PTPRD: variants seen among roughly 807,000 people sequenced by gnomAD.
The protein encoded by PTPRD is protein tyrosine phosphatase receptor type D.
A neutral mutation model predicts 214.5 loss-of-function variants in PTPRD; 34 were observed. That is an observed-to-expected ratio of 0.16 (90% confidence interval 0.12 to 0.21). The LOEUF (loss-of-function observed/expected upper bound fraction) is 0.21, where lower values mean the gene tolerates loss of function less well. PTPRD is among the 10% of genes least tolerant of loss of function. The pLI is 1.00. For missense variants in PTPRD, 2,545 were observed against 2,398.7 expected (o/e 1.06, Z -1.27); for synonymous variants, 1,128 against 845.7 (o/e 1.33, Z -5.79).
At chr9:10,497,681 A>T (rs2133063011) in intron 2 of PTPRD, among the ~76,000 whole-genome samples, 1 of 152,132 alleles carries the variant, frequency 6.6e-6, no homozygotes, top group African/African-American at 2.4e-5. Context: ...AAGCAAATTT[A>T]TTGTTGAGAA....
chr9:10,156,346 A>G (rs1049756738), intron 3 of PTPRD, among the ~76,000 whole-genome samples: 1 of 152,046 alleles, frequency 6.6e-6, no homozygotes, highest in Non-Finnish European at 1.5e-5. Context: ...CTTTTCTCTC[A>G]TGAGTTTCAA....
At chr9:10,068,018 C>A (rs975192892) in intron 3 of PTPRD, among the ~76,000 whole-genome samples, 1 of 151,904 alleles carries the variant, frequency 6.6e-6, no homozygotes, top group African/African-American at 2.4e-5. Flanking sequence ...ACTTTTCCTT[C>A]TATATTTCTG....
Position 10,479,098 on chromosome 9 carries a change from A to G in PTPRD, c.-600+133300T>C, listed in dbSNP as rs147278078. Among the ~76,000 whole-genome samples the G allele has an allele frequency of 2.5e-4, 38 of 152,306 alleles. 1 individual carries two copies. In the East Asian group the frequency reaches 7.3e-3, roughly 29 times the overall value. On this transcript the variant is annotated intron_variant, in intron 2 of 45. Coordinates refer to ENST00000381196, the MANE Select transcript of PTPRD (RefSeq NM_002839.4). ...AAAGTTTCCTGGTAGTGTTTTCCAT[A>G]CAGAATGTTTGGCTAGGCTAAAATA...
intron 2 of PTPRD, among the ~76,000 whole-genome samples, chr9:10,544,590 G>A (rs2059814665): frequency 6.6e-6 from 1 of 152,084 alleles, no homozygotes; most frequent in Non-Finnish European, 1.5e-5. Flanking sequence ...TTGCTAACCA[G>A]CAACCAGTAT....
intron 9 of PTPRD, among the ~76,000 whole-genome samples, chr9:9,210,137 T>C (rs895472177): frequency 2.0e-5 from 3 of 152,176 alleles, no homozygotes; most frequent in Admixed American, 1.3e-4. Flanking sequence ...AAACAATTTC[T>C]ATCCTCCAAA....
In PTPRD at chr9:10,043,152, T is replaced by C. The variant is rs376060346; in HGVS notation, c.-544-9362A>G. On this transcript the variant is annotated intron_variant, in intron 3 of 45. Coordinates refer to ENST00000381196, the MANE Select transcript of PTPRD (RefSeq NM_002839.4). ...AGACACAAAGCTATAGAAAATAAAA[T>C]GTTTTCTGGTTGTGAATTAAAAATA... Among the ~76,000 whole-genome samples the C allele has an allele frequency of 6.9e-4, 105 of 152,072 alleles. 4 individuals are homozygous for C. The highest frequency in any genetic ancestry group is 2.3e-3 in the African/African-American group (97 of 41,548).
chr9:9,178,138 T>C (rs1304340962), intron 10 of PTPRD, among the ~76,000 whole-genome samples: 2 of 152,036 alleles, frequency 1.3e-5, no homozygotes, highest in East Asian at 3.9e-4. Context: ...AGCTACTCAA[T>C]AATGAAAGTG....
chr9:8,334,227 T>C (rs1253607023), intron 43 of PTPRD, among the ~76,000 whole-genome samples: 3 of 151,916 alleles, frequency 2.0e-5, no homozygotes, highest in African/African-American at 7.2e-5. Context: ...ATCAAGAGAA[T>C]ATATATTCTC....
chr9:10,162,660 C>T (rs2099134531), intron 3 of PTPRD, among the ~76,000 whole-genome samples: 1 of 145,336 alleles, frequency 6.9e-6, no homozygotes, highest in African/African-American at 2.5e-5. Context: ...CACATATATA[C>T]ATGTATATGT....
chr9:8,330,409 T>C (rs563149828), intron 44 of PTPRD, among the ~76,000 whole-genome samples: 2 of 152,236 alleles, frequency 1.3e-5, no homozygotes, highest in African/African-American at 4.8e-5. Flanking sequence ...AACTTTTATA[T>C]GCACTGGGAA....
At chr9:8,557,056 A>T (rs952730145) in intron 14 of PTPRD, among the ~76,000 whole-genome samples, 33 of 152,168 alleles carry the variant, frequency 2.2e-4, no homozygotes, top group African/African-American at 7.7e-4. Context: ...GGTTTGTGGT[A>T]TACAGTAAAG....
At chr9:10,268,538 C>G (rs1344580051) in intron 3 of PTPRD, among the ~76,000 whole-genome samples, 5 of 152,010 alleles carry the variant, frequency 3.3e-5, no homozygotes, top group African/African-American at 1.2e-4. Flanking sequence ...ACTTTTGATC[C>G]TTCTGACACT....
intron 8 of PTPRD, among the ~76,000 whole-genome samples, chr9:9,415,814 A>G (rs2076828399): frequency 6.6e-6 from 1 of 152,196 alleles, no homozygotes; most frequent in Non-Finnish European, 1.5e-5. Flanking sequence ...TAGAAGAGCA[A>G]GAAAAGCCTT....
At position 10,263,273 on chromosome 9, in the gene PTPRD, T is replaced by A. The variant is rs555817408; in HGVS notation, c.-545+77690A>T. Among the ~76,000 whole-genome samples, 64 of 151,978 alleles carry A rather than the reference T, an allele frequency of 4.2e-4. 1 individual carries two copies. The highest frequency in any genetic ancestry group is 3.4e-3 in the Middle Eastern group (1 of 294). Reference sequence around the variant, plus strand: ...TTTGGAACTGAGTAACAGGCAGAGGTTGAAACAGTTTGGAAGGCTCAGAAG... The same window carrying A: ...TTTGGAACTGAGTAACAGGCAGAGGATGAAACAGTTTGGAAGGCTCAGAAG... On this transcript the variant is annotated intron_variant, in intron 3 of 45. Transcript: ENST00000381196.
chr9:8,792,670 G>A (rs2096274990), intron 11 of PTPRD, among the ~76,000 whole-genome samples: 1 of 152,048 alleles, frequency 6.6e-6, no homozygotes, highest in Non-Finnish European at 1.5e-5. Flanking sequence ...TATATCTCGA[G>A]GATATATTTA....
intron 35 of PTPRD, among the ~76,000 whole-genome samples, chr9:8,428,452 C>T (rs984665044): frequency 6.6e-6 from 1 of 152,070 alleles, no homozygotes; most frequent in African/African-American, 2.4e-5. Flanking sequence ...ATAATTTGTT[C>T]TCAACTTTTT....
chr9:9,047,291 A>G (rs997601211), intron 10 of PTPRD, among the ~76,000 whole-genome samples: 1 of 152,138 alleles, frequency 6.6e-6, no homozygotes, highest in Non-Finnish European at 1.5e-5. Flanking sequence ...ATGTTTATGG[A>G]TTGGAAGAAT....
At position 9,128,471 on chromosome 9, in the gene PTPRD, G is replaced by A. The variant is rs569191579; in HGVS notation, c.-143+54833C>T. Among the ~76,000 whole-genome samples, 32 of 152,182 alleles carry A rather than the reference G, an allele frequency of 2.1e-4. No individual in the cohort carries two copies. In the South Asian group the frequency reaches 6.0e-3, roughly 29 times the overall value. Reference sequence around the variant, plus strand: ...ACAAAACATATATTCAATTATACACGTATGCATAATAACATCATGGCCCAT... The same window carrying A: ...ACAAAACATATATTCAATTATACACATATGCATAATAACATCATGGCCCAT... On this transcript the variant is annotated intron_variant, in intron 10 of 45. Transcript: ENST00000381196.
At chr9:9,469,375 A>G (rs1378372555) in intron 8 of PTPRD, among the ~76,000 whole-genome samples, 7 of 152,288 alleles carry the variant, frequency 4.6e-5, no homozygotes, top group African/African-American at 1.7e-4. Flanking sequence ...AAAGCTGGCA[A>G]TGTTCCCCAG....
Sources: gnomAD v4.1 joint callset for allele counts (sites outside exome capture counted in the v4.1 genomes callset) on GRCh38, gnomAD v4.1.1 for gene constraint, MANE v1.5 for transcripts, NCBI Gene and HGNC (gene_info 2026-07-23, HGNC 2026-07-21) for gene names.